Variants in KCNK5 observed in about 807,000 individuals in gnomAD.
KCNK5 encodes the protein potassium channel subfamily K member 5.
In KCNK5, 18 loss-of-function variants were observed where a neutral mutation model predicts 32.9. The ratio of observed to expected loss-of-function variants is 0.55; its 90% CI spans 0.38 to 0.81. KCNK5 has a LOEUF of 0.81. KCNK5 is among the 30% of genes least tolerant of loss of function. The probability of loss-of-function intolerance (pLI) is 0.00; values close to 1 mark genes in which losing one functional copy is unlikely to be tolerated. For missense variants in KCNK5, 507 were observed against 651.0 expected (o/e 0.78, Z 2.41); for synonymous variants, 276 against 275.3 (o/e 1.00, Z -0.03).
At position 39,191,432 on chromosome 6, in the gene KCNK5, C is replaced by G; in HGVS notation, c.958G>C (p.Glu320Gln). ...CCCAGCCCTGGGCCCGGGCCCGTCT[C>G]CCCACCCCCGCTTGTCTTCATGGCC... Reference protein sequence around the residue: ...KKAMKTSGGGETGPGPGLGPQ... With the variant: ...KKAMKTSGGGQTGPGPGLGPQ... Residue 320 changes from glutamate (E) to glutamine (Q), a missense_variant, in exon 5 of 5, where the codon GAG (glutamate) becomes CAG (glutamine). By Grantham distance (29) the Glu-to-Gln change is conservative. Coordinates refer to ENST00000359534, the MANE Select transcript of KCNK5 (RefSeq NM_003740.4). The surrounding 1 kb of genome is among the most constrained non-coding windows in gnomAD (Gnocchi z 5.8). The G allele has an allele frequency of 6.2e-7, 1 of 1,613,376 alleles. No individual in the cohort carries two copies. Among genetic ancestry groups the G allele is most frequent in the Non-Finnish European group, 8.5e-7 (1 of 1,179,962 alleles).
chr6:39,205,492 A>C (rs1771207998), intron 1 of KCNK5, among the ~76,000 whole-genome samples: 1 of 152,062 alleles, frequency 6.6e-6, no homozygotes, highest in Non-Finnish European at 1.5e-5. Context: ...ATTCACAACC[A>C]CTGCCCTGCC....
chr6:39,200,746 T>C (rs1306858501), intron 1 of KCNK5, among the ~76,000 whole-genome samples: 4 of 152,218 alleles, frequency 2.6e-5, no homozygotes, highest in Admixed American at 6.5e-5. Context: ...GAGCTTCAGA[T>C]GTCCAGCTGC....
chr6:39,212,943 G>C (rs1771367447), intron 1 of KCNK5, among the ~76,000 whole-genome samples: 1 of 152,146 alleles, frequency 6.6e-6, no homozygotes, highest in East Asian at 1.9e-4. Context: ...GAATGAACTA[G>C]GACCAGAGCA....
chr6:39,203,940 G>C (rs1036840178), intron 1 of KCNK5, among the ~76,000 whole-genome samples: 1 of 152,222 alleles, frequency 6.6e-6, no homozygotes, highest in Non-Finnish European at 1.5e-5. Context: ...CCCCGGGTCA[G>C]GTGACCAGGG....
chr6:39,195,769 T>A (rs779721078), intron 2 of KCNK5, 107 bp downstream of exon 2: 19 of 690,502 alleles, frequency 2.8e-5, no homozygotes, highest in Non-Finnish European at 4.3e-5. Context: ...CTGCAACTGA[T>A]CTGATTGTAC....
intron 1 of KCNK5, among the ~76,000 whole-genome samples, chr6:39,227,647 C>T (rs545954492): frequency 6.6e-6 from 1 of 152,266 alleles, no homozygotes; most frequent in South Asian, 2.1e-4. Flanking sequence ...CCAGCAAATA[C>T]GTATATGCTT....
At chr6:39,218,697 T>C (rs753634484) in intron 1 of KCNK5, among the ~76,000 whole-genome samples, 29 of 152,148 alleles carry the variant, frequency 1.9e-4, no homozygotes, top group Admixed American at 3.9e-4. Flanking sequence ...GACTGGGTGG[T>C]GTACCTGGTG....
At chr6:39,211,336 A>T (rs1771333428) in intron 1 of KCNK5, among the ~76,000 whole-genome samples, 1 of 152,208 alleles carries the variant, frequency 6.6e-6, no homozygotes, top group African/African-American at 2.4e-5. Flanking sequence ...GAACAATCTG[A>T]GTCCACGAGG....
chr6:39,197,142 T>C (rs1403882564), intron 1 of KCNK5, among the ~76,000 whole-genome samples: 1 of 151,818 alleles, frequency 6.6e-6, no homozygotes. Flanking sequence ...AAATTGCCTA[T>C]AAAAACCAAG....
chr6:39,198,436 T>C (rs1462998933), intron 1 of KCNK5, among the ~76,000 whole-genome samples: 3 of 152,190 alleles, frequency 2.0e-5, no homozygotes, highest in Non-Finnish European at 4.4e-5. Flanking sequence ...GATGGGAAGA[T>C]AGCTAACACA....
chr6:39,224,694 A>C (rs1387805415), intron 1 of KCNK5, among the ~76,000 whole-genome samples: 1 of 152,190 alleles, frequency 6.6e-6, no homozygotes, highest in Non-Finnish European at 1.5e-5. Context: ...ATGAGCAGTC[A>C]AGCAAAACCT....
At position 39,214,677 on chromosome 6, in the gene KCNK5, G is replaced by C. The variant is rs1771402489; in HGVS notation, c.186+14249C>G. 2.0e-5 allele frequency among the ~76,000 whole-genome samples: 3 copies of C among 152,122 alleles called. No homozygotes were observed. In the South Asian group the frequency reaches 6.2e-4, roughly 32 times the overall value. ...TTGTAGGGAGGGAGGGCAGAGAAGG[G>C]TGCAGACCAGGCAATAGTCCCCGTG... is the stretch of plus-strand genomic sequence containing the variant. On this transcript the variant is annotated intron_variant, in intron 1 of 4. Transcript: ENST00000359534.
At chr6:39,199,561 G>A (rs1771093785) in intron 1 of KCNK5, among the ~76,000 whole-genome samples, 1 of 152,224 alleles carries the variant, frequency 6.6e-6, no homozygotes, top group African/African-American at 2.4e-5. Flanking sequence ...CAAAGACCCA[G>A]TGGTGGCAAT....
At chr6:39,208,478 C>T (rs1771268948) in intron 1 of KCNK5, among the ~76,000 whole-genome samples, 1 of 152,226 alleles carries the variant, frequency 6.6e-6, no homozygotes, top group African/African-American at 2.4e-5. Flanking sequence ...AGCCAACCAC[C>T]TGTCCCGAAA....
At position 39,203,306 on chromosome 6, in the gene KCNK5, G is replaced by A. The variant is rs1043072605; in HGVS notation, c.187-7319C>T. Among the ~76,000 whole-genome samples the A allele has an allele frequency of 5.3e-5, 8 of 152,360 alleles. No homozygotes were observed. The South Asian group carries it at 1.4e-3, about 28-fold the overall frequency. Reference sequence around the variant, plus strand: ...CAGGCCACATGGAGGAAGGGACTGTGGTTCCAGAGATGTTCCCTGGCCACC... The same window carrying A: ...CAGGCCACATGGAGGAAGGGACTGTAGTTCCAGAGATGTTCCCTGGCCACC... On this transcript the variant is annotated intron_variant, in intron 1 of 4. Coordinates refer to ENST00000359534, the MANE Select transcript of KCNK5 (RefSeq NM_003740.4).
intron 1 of KCNK5, among the ~76,000 whole-genome samples, chr6:39,215,115 C>T (rs998195373): frequency 2.6e-5 from 4 of 152,198 alleles, no homozygotes; most frequent in Non-Finnish European, 5.9e-5. Flanking sequence ...GTGAGTCCAA[C>T]TCTCTGGGCC....
chr6:39,213,377 GTT>G (rs1771374590), intron 1 of KCNK5, among the ~76,000 whole-genome samples: 1 of 152,174 alleles, frequency 6.6e-6, no homozygotes, highest in Non-Finnish European at 1.5e-5. Flanking sequence ...TTTAAATTGA[GTT>G]TCTATGACGC....
At chr6:39,220,617 T>G (rs1038064933) in intron 1 of KCNK5, among the ~76,000 whole-genome samples, 4 of 152,266 alleles carry the variant, frequency 2.6e-5, no homozygotes, top group Non-Finnish European at 4.4e-5. Context: ...ATCAACTGTT[T>G]TAGGTGGTTA....
chr6:39,198,120 G>A (rs1771059567), intron 1 of KCNK5, among the ~76,000 whole-genome samples: 1 of 152,206 alleles, frequency 6.6e-6, no homozygotes, highest in African/African-American at 2.4e-5. Context: ...CTTTTCAAAG[G>A]GTTGCAAAGC....
Sources: gnomAD v4.1 joint callset for allele counts (sites outside exome capture counted in the v4.1 genomes callset) on GRCh38, gnomAD v4.1.1 for gene constraint, Gnocchi (gnomAD v3.1) non-coding constraint, MANE v1.5 for transcripts, NCBI Gene and HGNC (gene_info 2026-07-23, HGNC 2026-07-21) for gene names.